The following ANKS1B variants were observed in gnomAD, a reference collection of about 807,000 sequenced individuals.
ANKS1B encodes the protein ankyrin repeat and sterile alpha motif domain containing 1B.
A neutral mutation model predicts 148.3 loss-of-function variants in ANKS1B; 36 were observed. The observed-to-expected ratio is 0.24, with a 90% CI of 0.19 to 0.32. ANKS1B has a LOEUF of 0.32. ANKS1B is among the 10% of genes least tolerant of loss of function. ANKS1B has a pLI of 1.00. For missense variants in ANKS1B, 1,157 were observed against 1,542.6 expected (o/e 0.75, Z 4.19); for synonymous variants, 542 against 560.8 (o/e 0.97, Z 0.47).
chr12:98,897,735 T>A (rs192887516), intron 17 of ANKS1B, among the ~76,000 whole-genome samples: 2 of 152,058 alleles, frequency 1.3e-5, no homozygotes, highest in African/African-American at 4.8e-5. Context: ...CAAAGGAAAA[T>A]AAATTGTTAT....
chr12:99,410,974 A>T (rs1336154598), intron 11 of ANKS1B, among the ~76,000 whole-genome samples: 3 of 152,236 alleles, frequency 2.0e-5, no homozygotes, highest in Non-Finnish European at 4.4e-5. Context: ...CAGTAAGTGC[A>T]TCTGACCTTG....
intron 12 of ANKS1B, among the ~76,000 whole-genome samples, chr12:99,365,192 C>T (rs1327056683): frequency 6.6e-6 from 1 of 152,152 alleles, no homozygotes; most frequent in Non-Finnish European, 1.5e-5. Context: ...TCCTGCCGCC[C>T]ACAAGGGCTG....
chr12:98,827,870 A>T (rs1394585072), intron 19 of ANKS1B, among the ~76,000 whole-genome samples: 1 of 152,194 alleles, frequency 6.6e-6, no homozygotes, highest in African/African-American at 2.4e-5. Context: ...AACAAACCAC[A>T]TCTCTGAAAT....
intron 1 of ANKS1B, among the ~76,000 whole-genome samples, chr12:99,828,365 A>G (rs963105578): frequency 2.0e-5 from 3 of 152,172 alleles, no homozygotes; most frequent in Non-Finnish European, 2.9e-5. Context: ...ACAAGCAGAC[A>G]CAAGCCAATC....
At chr12:99,604,456 T>A (rs1460542877) in intron 9 of ANKS1B, among the ~76,000 whole-genome samples, 1 of 152,064 alleles carries the variant, frequency 6.6e-6, no homozygotes. Context: ...GTCAAAAATG[T>A]CAAAAGCTTT....
intron 2 of ANKS1B, 150 bp from the exon 3 acceptor site, chr12:99,812,461 C>A: frequency 2.9e-6 from 2 of 685,912 alleles, no homozygotes; most frequent in East Asian, 4.3e-5. Context: ...AAAGTTTTTG[C>A]CTACTCAACA....
At chr12:98,874,345 G>C (rs1449689615) in intron 17 of ANKS1B, among the ~76,000 whole-genome samples, 2 of 152,196 alleles carry the variant, frequency 1.3e-5, no homozygotes, top group Non-Finnish European at 2.9e-5. Context: ...TTTTCTGATG[G>C]AATTACAGGA....
chr12:99,201,323 G>GAA (rs145577403), intron 14 of ANKS1B, among the ~76,000 whole-genome samples: 2 of 146,694 alleles, frequency 1.4e-5, no homozygotes, highest in African/African-American at 2.5e-5. Flanking sequence ...TTCCTGAGTG[G>GAA]AAAAAAAAAA....
intron 14 of ANKS1B, among the ~76,000 whole-genome samples, chr12:99,167,864 C>T (rs1210342790): frequency 6.6e-6 from 1 of 152,130 alleles, no homozygotes; most frequent in Non-Finnish European, 1.5e-5. Flanking sequence ...TATTACTCAG[C>T]AATAAAAAGG....
intron 19 of ANKS1B, among the ~76,000 whole-genome samples, chr12:98,816,727 A>G (rs527691305): frequency 1.3e-5 from 2 of 152,342 alleles, no homozygotes; most frequent in South Asian, 2.1e-4. Context: ...GTAGGGATCA[A>G]TCTTGCTTTT....
chr12:99,535,703 A>G (rs931831748), intron 9 of ANKS1B, among the ~76,000 whole-genome samples: 2 of 152,038 alleles, frequency 1.3e-5, no homozygotes, highest in Admixed American at 1.3e-4. Flanking sequence ...CTACTTCTTC[A>G]AGTTCTTCAC....
chr12:99,227,658 A>G (rs1362846636), intron 14 of ANKS1B, among the ~76,000 whole-genome samples: 1 of 152,186 alleles, frequency 6.6e-6, no homozygotes, highest in Non-Finnish European at 1.5e-5. Flanking sequence ...AAGGCTAACT[A>G]CTTGTTTGTC....
chr12:99,171,403 G>A (rs896504298), intron 14 of ANKS1B, among the ~76,000 whole-genome samples: 1 of 152,186 alleles, frequency 6.6e-6, no homozygotes, highest in Non-Finnish European at 1.5e-5. Context: ...AAAAATGAAA[G>A]GGATTGTCAT....
At chr12:98,987,816 G>A (rs1335638191) in intron 17 of ANKS1B, among the ~76,000 whole-genome samples, 3 of 152,180 alleles carry the variant, frequency 2.0e-5, no homozygotes, top group East Asian at 1.9e-4. Context: ...CCCAAAGGGT[G>A]AGCCTGAATT....
At position 98,948,726 on chromosome 12, in the gene ANKS1B, TTCTC is replaced by T. The variant is rs144897567; in HGVS notation, c.2778+104427_2778+104430del. On this transcript the variant is annotated intron_variant, in intron 17 of 26. Coordinates refer to ENST00000683438, the MANE Select transcript of ANKS1B (RefSeq NM_001352186.2). ...ATGAGGTAGGAATAATTATGCCAAT[TTCTC>T]TCTCTCTCTCTCTCTCTCTGTCTCT... 2.9e-4 allele frequency among the ~76,000 whole-genome samples: 42 copies of T among 144,732 alleles called. 1 individual carries two copies. Among genetic ancestry groups the T allele is most frequent in the African/African-American group, 4.3e-4 (17 of 39,106 alleles). The allele number at this position is 144,732 out of a possible 152,430, so 94.9% of individuals were successfully genotyped here.
intron 17 of ANKS1B, among the ~76,000 whole-genome samples, chr12:98,864,269 T>G (rs2099613810): frequency 6.6e-6 from 1 of 152,176 alleles, no homozygotes; most frequent in Admixed American, 6.5e-5. Context: ...CCTCAAACAT[T>G]TATCATTTCT....
intron 12 of ANKS1B, among the ~76,000 whole-genome samples, chr12:99,378,652 CAAAAAAAAA>C (rs140892353): frequency 8.7e-4 from 79 of 90,714 alleles, no homozygotes; most frequent in African/African-American, 2.7e-3. Flanking sequence ...GACTCCATCT[CAAAAAAAAA>C]AAAAAAAAAA....
chr12:99,787,325 C>A (rs182118226), intron 4 of ANKS1B, among the ~76,000 whole-genome samples: 1 of 152,128 alleles, frequency 6.6e-6, no homozygotes, highest in African/African-American at 2.4e-5. Flanking sequence ...TCCTTTGGCT[C>A]GGCACTTCCT....
intron 17 of ANKS1B, among the ~76,000 whole-genome samples, chr12:99,010,899 TTG>T (rs545271545): frequency 0.015 from 1,209 of 80,588 alleles, 27 homozygotes; most frequent in East Asian, 0.064. Flanking sequence ...GTGTGAGCTT[TTG>T]TTTTTTTTTT....
Sources: gnomAD v4.1 joint callset for allele counts (sites outside exome capture counted in the v4.1 genomes callset) on GRCh38, gnomAD v4.1.1 for gene constraint, MANE v1.5 for transcripts, NCBI Gene and HGNC (gene_info 2026-07-23, HGNC 2026-07-21) for gene names.